The following HDAC10 variants were observed in gnomAD, a reference collection of about 807,000 sequenced individuals.
HDAC10 encodes polyamine deacetylase HDAC10.
In HDAC10, 90 loss-of-function variants were observed where a neutral mutation model predicts 82.3. The ratio of observed to expected loss-of-function variants is 1.09; its 90% confidence interval spans 0.92 to 1.30. HDAC10 has a LOEUF of 1.30. Ranked by LOEUF, HDAC10 falls within the 50% of genes most tolerant of loss-of-function variation. The pLI, the probability that HDAC10 is intolerant of heterozygous loss-of-function variation, is 0.00. For synonymous variants in HDAC10, 456 were observed against 391.7 expected (o/e 1.16, Z -1.94); for missense variants, 934 against 876.3 (o/e 1.07, Z -0.83).
In HDAC10 at chr22:50,250,167, G is replaced by A. The variant is rs1234639675; in HGVS notation, c.292-7C>T. 2 of 1,609,192 alleles carry A rather than the reference G, an allele frequency of 1.2e-6. No individual in the cohort carries two copies. Among genetic ancestry groups the A allele is most frequent in the Middle Eastern group, 1.7e-4 (1 of 6,032 alleles). The stretch of plus-strand genomic sequence containing the variant: ...GCGCGCAGTGAAAGGTACTCTGTGG[G>A]CGCAGGGGCGCAGATGAGCCCCCTG... On this transcript the variant is annotated splice_polypyrimidine_tract_variant and splice_region_variant and intron_variant, in intron 3 of 19. Coordinates refer to ENST00000216271, the MANE Select transcript of HDAC10 (RefSeq NM_032019.6).
Position 50,245,243 on chromosome 22 carries a change from A to T in HDAC10, c.*264T>A. 1 of 560,148 alleles carries T rather than the reference A, an allele frequency of 1.8e-6. No homozygotes were observed. The highest frequency in any genetic ancestry group is 3.1e-6 in the Non-Finnish European group (1 of 319,380). 34.7% of individuals were successfully genotyped at this position (560,148 alleles called of 1,614,324 possible). ...CGGGGAGCGAAGCGCAGCGGGGCGC[A>T]GGGGCCGGAACGGGACCGAGCGTGG... On this transcript the variant is annotated 3_prime_UTR_variant, in exon 20 of 20. Coordinates refer to ENST00000216271, the MANE Select transcript of HDAC10 (RefSeq NM_032019.6).
rs1395733341 is a variant in HDAC10, at chr22:50,247,705, A to G, written c.1409T>C (p.Met470Thr). 1.9e-6 allele frequency: 3 copies of G among 1,577,066 alleles called. No individual in the cohort carries two copies. Among genetic ancestry groups the G allele is most frequent in the South Asian group, 2.3e-5 (2 of 87,788 alleles). Reference protein sequence around the residue: ...LGKLLYLLDGMLDGQVNSGIA... With the variant: ...LGKLLYLLDGTLDGQVNSGIA... ...AGGTGCTCCCACCTGCCCATCCAGCATCCCATCTAAGAGGTACAGGAGCTT... is the reference window on the plus strand; with the variant it reads ...AGGTGCTCCCACCTGCCCATCCAGCGTCCCATCTAAGAGGTACAGGAGCTT... Residue 470 changes from methionine to threonine, a missense_variant, in exon 14 of 20, where the codon ATG (methionine) becomes ACG (threonine). Physicochemically the swap from Met to Thr is moderately conservative, Grantham distance 81. Coordinates refer to ENST00000216271, the MANE Select transcript of HDAC10 (RefSeq NM_032019.6).
chr22:50,250,826 A>G lies in HDAC10; in HGVS notation c.139T>C (p.Cys47Arg), dbSNP rs2065072672. ...GCCTCGCGGGCTGACAACCGCAGAC[A>G]CCTCTGTTCCAGGCCGCGCTGCCGC... ...RLRQRGLEQR[C>R]LRLSAREASE... Residue 47 changes from cysteine (C) to arginine (R), a missense_variant, in exon 2 of 20, where the codon TGT becomes CGT. Physicochemically the swap from Cys to Arg is radical, Grantham distance 180 (BLOSUM62 -3). Transcript: ENST00000216271. The G allele has an allele frequency of 1.9e-6, 3 of 1,603,510 alleles. No individual in the cohort carries two copies. Among genetic ancestry groups the G allele is most frequent in the Non-Finnish European group, 2.5e-6 (3 of 1,176,498 alleles).
At chr22:50,250,397 G>T in intron 3 of HDAC10, 30 bp downstream of exon 3, 1 of 1,599,030 alleles carries the variant, frequency 6.3e-7, no homozygotes, top group Non-Finnish European at 8.6e-7. Context: ...ATGTGTGTCT[G>T]CACAGGTGAG....
chr22:50,250,652 G>A, intron 2 of HDAC10, 119 bp downstream of exon 2: 6 of 1,324,562 alleles, frequency 4.5e-6, no homozygotes, highest in Non-Finnish European at 6.3e-6. Flanking sequence ...GCCCACCCGA[G>A]GTGCATAGGG....
rs75596977 is a variant in HDAC10 at position 50,245,827 on chromosome 22, T to C, written c.1834A>G (p.Asn612Asp). The C allele has an allele frequency of 0.018, 27,525 of 1,569,022 alleles. 712 individuals are homozygous for C. Among genetic ancestry groups the C allele is most frequent in the East Asian group, 0.13 (5,475 of 41,836 alleles). ...ATCCCTGCTAGCTGGGGTGTGGAGT[T>C]CTGGACCAGGGGCGAAGACGGAAGC... ...GGRVLALLEE[N>D]STPQLAGILA... is the part of the protein sequence containing the mutation. The change falls in exon 19 of 20, where the codon AAC becomes GAC. Residue 612 changes from asparagine (N) to aspartate (D), a missense_variant and splice_region_variant. Coordinates refer to ENST00000216271, the MANE Select transcript of HDAC10 (RefSeq NM_032019.6).
In HDAC10 at chr22:50,247,930, C is replaced by T; in HGVS notation, c.1297G>A (p.Glu433Lys). Reference sequence around the variant, plus strand: ...GTCTCCTCCCTCAGGGCTGACGCTTCCTGTTGGATGACGTCAGGGGGCAGA... The same window carrying T: ...GTCTCCTCCCTCAGGGCTGACGCTTTCTGTTGGATGACGTCAGGGGGCAGA... ...LVLPPDVIQQ[E>K]ASALREETEA... The change falls in exon 13 of 20, where the codon GAA becomes AAA. Residue 433 changes from glutamate to lysine, a missense_variant. Physicochemically the swap from Glu to Lys is moderately conservative, Grantham distance 56. Transcript: ENST00000216271. The T allele has an allele frequency of 6.2e-7, 1 of 1,612,818 alleles. No individual in the cohort carries two copies. The highest frequency in any genetic ancestry group is 8.5e-7 in the Non-Finnish European group (1 of 1,179,974).
rs1156239816 is a variant in HDAC10 at position 50,248,379 on chromosome 22, C to T, written c.1000G>A (p.Ala334Thr). Residue 334 changes from alanine to threonine, a missense_variant, in exon 11 of 20, where the codon GCG becomes ACG. Physicochemically the swap from Ala to Thr is moderately conservative, Grantham distance 58. Coordinates refer to ENST00000216271, the MANE Select transcript of HDAC10 (RefSeq NM_032019.6). The surrounding 1 kb of genome is among the most constrained non-coding windows in gnomAD (Gnocchi z 5.4). The part of the protein sequence containing the change: ...DPAPPLSGPM[A>T]PCQSALESIQ... The stretch of plus-strand genomic sequence containing the variant: ...CTCCCCTCGCACCTCTGACATGGCG[C>T]CATTGGCCCTGACAGGGGTGGGGCC... 1 of 1,610,540 alleles carries T rather than the reference C, an allele frequency of 6.2e-7. No individual in the cohort carries two copies. Among genetic ancestry groups the T allele is most frequent in the African/African-American group, 1.3e-5 (1 of 75,014 alleles).
At chr22:50,247,798 GAC>G (rs776734145) in intron 13 of HDAC10, 22 bp from the exon 14 acceptor site, 4 of 1,612,578 alleles carry the variant, frequency 2.5e-6, no homozygotes, top group Non-Finnish European at 1.7e-6. Context: ...AGACCAGAGG[GAC>G]ACACAGACAC....
Position 50,248,920 on chromosome 22 carries a change from G to T in HDAC10, c.757-30C>A. On this transcript the variant is annotated intron_variant, in intron 8 of 19. Transcript: ENST00000216271. The surrounding 1 kb of genome is among the most constrained non-coding windows in gnomAD (Gnocchi z 5.4). ...AGGCCAGGCCGGAGTGGGGAGGGTC[G>T]ACAGAGAGGGGCTGGAGCCCAGGTG... 3 of 1,601,946 alleles carry T rather than the reference G, an allele frequency of 1.9e-6. No individual in the cohort carries two copies. Among genetic ancestry groups the T allele is most frequent in the Non-Finnish European group, 2.6e-6 (3 of 1,174,250 alleles).
rs1328438182 is a variant in HDAC10, at chr22:50,245,491, C to T, written c.*16G>A. On this transcript the variant is annotated 3_prime_UTR_variant, in exon 20 of 20. Transcript: ENST00000216271. Reference sequence around the variant, plus strand: ...GTGTCATTTCTGCGGTGTAAATGCTCCCACCTTGGCCGATTTCAAGCCACC... The same window carrying T: ...GTGTCATTTCTGCGGTGTAAATGCTTCCACCTTGGCCGATTTCAAGCCACC... 2 of 819,838 alleles carry T rather than the reference C, an allele frequency of 2.4e-6. No homozygotes were observed. The highest frequency in any genetic ancestry group is 1.7e-5 in the African/African-American group (1 of 59,956). The allele number at this position is 819,838 out of a possible 1,614,324, so 50.8% of individuals were successfully genotyped here. A position where few individuals can be genotyped will look rare whatever the true frequency, so the allele number is the denominator to read the frequency against.
At chr22:50,246,812 GC>G in intron 15 of HDAC10, 62 bp downstream of exon 15, 6 of 1,596,480 alleles carry the variant, frequency 3.8e-6, no homozygotes, top group Admixed American at 1.7e-5. Flanking sequence ...TGCTTGGCCA[GC>G]CAGGATAGGG....
chr22:50,249,019 C>T lies in HDAC10; in HGVS notation c.756+84G>A, dbSNP rs2065021526. ...ACACAGGAGTGGGACAGCTCATAACCCTCCTCCTGCCTTCACTGGCGCACT... is the reference window on the plus strand; with the variant it reads ...ACACAGGAGTGGGACAGCTCATAACTCTCCTCCTGCCTTCACTGGCGCACT... On this transcript the variant is annotated intron_variant, in intron 8 of 19. Coordinates refer to ENST00000216271, the MANE Select transcript of HDAC10 (RefSeq NM_032019.6). This position sits in a 1 kb window ranked among gnomAD's most constrained non-coding sequence, Gnocchi z 4.4. 3 of 1,441,634 alleles carry T rather than the reference C, an allele frequency of 2.1e-6. No individual in the cohort carries two copies. The highest frequency in any genetic ancestry group is 2.9e-6 in the Non-Finnish European group (3 of 1,046,426). The allele number at this position is 1,441,634 out of a possible 1,614,324, so 89.3% of individuals were successfully genotyped here. A position where few individuals can be genotyped will look rare whatever the true frequency, so the allele number is the denominator to read the frequency against.
chr22:50,248,041 T>C lies in HDAC10; in HGVS notation c.1186A>G (p.Ser396Gly). 1 of 1,611,696 alleles carries C rather than the reference T, an allele frequency of 6.2e-7. No individual in the cohort carries two copies. The highest frequency in any genetic ancestry group is 8.5e-7 in the Non-Finnish European group (1 of 1,179,428). ...PVCKAAASAP[S>G]SLLDQPCLCP... is the part of the protein sequence containing the mutation. ...AGGCACGGCTGGTCCAGGAGGGAGCTCGGTGCAGATGCAGCTGCCTTACAC... is the reference window on the plus strand; with the variant it reads ...AGGCACGGCTGGTCCAGGAGGGAGCCCGGTGCAGATGCAGCTGCCTTACAC... Residue 396 changes from serine to glycine, a missense_variant, in exon 13 of 20, where the codon AGC becomes GGC. Transcript: ENST00000216271. This position sits in a 1 kb window ranked among gnomAD's most constrained non-coding sequence, Gnocchi z 5.4.
rs553257236 is a variant in HDAC10, at chr22:50,248,735, G to A, written c.833C>T (p.Thr278Met). The change falls in exon 10 of 20, where the codon ACG becomes ATG. Residue 278 changes from threonine (T) to methionine (M), a missense_variant. By Grantham distance (81) the Thr-to-Met change is moderately conservative. Coordinates refer to ENST00000216271, the MANE Select transcript of HDAC10 (RefSeq NM_032019.6). This position sits in a 1 kb window ranked among gnomAD's most constrained non-coding sequence, Gnocchi z 5.4. ...TGTGAGGTGGGCGAAGCACTCTGGC[G>A]TGGCCTGCATTTGCCCCTGGAACCA... ...IGDPEGQMQA[T>M]PECFAHLTQL... The A allele has an allele frequency of 1.6e-5, 25 of 1,577,286 alleles. No individual in the cohort carries two copies. The South Asian group carries it at 1.6e-4, about 10-fold the overall frequency.
In HDAC10 at chr22:50,251,223, C is replaced by T. The variant is rs1415931473; in HGVS notation, c.-191G>A. 3 of 583,714 alleles carry T rather than the reference C, an allele frequency of 5.1e-6. No individual in the cohort carries two copies. Among genetic ancestry groups the T allele is most frequent in the Middle Eastern group, 4.6e-4 (1 of 2,186 alleles). 36.2% of individuals were successfully genotyped at this position (583,714 alleles called of 1,614,324 possible). On this transcript the variant is annotated 5_prime_UTR_variant, in exon 1 of 20. Transcript: ENST00000216271. ...TCCGGGATCCCAGGCGCGCAGAAGG[C>T]ACGGAGCGAGGCTGCAGTCGAAGGG...
In HDAC10 at chr22:50,248,836, G is replaced by T. The variant is rs781691174; in HGVS notation, c.811C>A (p.Pro271Thr). The T allele has an allele frequency of 2.5e-6, 4 of 1,610,968 alleles. No individual in the cohort carries two copies. Among genetic ancestry groups the T allele is most frequent in the Non-Finnish European group, 2.5e-6 (3 of 1,179,160 alleles). Residue 271 changes from proline to threonine, a missense_variant, in exon 9 of 20, where the codon CCT (proline) becomes ACT (threonine). Physicochemically the swap from Pro to Thr is conservative, Grantham distance 38. Transcript: ENST00000216271. The surrounding 1 kb of genome is among the most constrained non-coding windows in gnomAD (Gnocchi z 5.4). ...SAGFDSAIGD[P>T]EGQMQATPEC... ...TGGCAAGGCAAGGCCCTCACCTCAG[G>T]GTCCCCGATGGCTGAGTCAAATCCT...
chr22:50,249,570 C>A lies in HDAC10; in HGVS notation c.563+65G>T. 1.9e-5 allele frequency: 31 copies of A among 1,608,070 alleles called. No individual in the cohort carries two copies. Among genetic ancestry groups the A allele is most frequent in the Non-Finnish European group, 2.6e-5 (30 of 1,176,180 alleles). ...TCTGTATCTCACCCCTGGATTTTCCCAGGCCAGGCTGTGCACCCAAAAACT... is the reference window on the plus strand; with the variant it reads ...TCTGTATCTCACCCCTGGATTTTCCAAGGCCAGGCTGTGCACCCAAAAACT... On this transcript the variant is annotated intron_variant, in intron 6 of 19. Transcript: ENST00000216271. The surrounding 1 kb of genome is among the most constrained non-coding windows in gnomAD (Gnocchi z 4.4).
chr22:50,249,406 AG>A lies in HDAC10; in HGVS notation c.611del (p.Pro204LeufsTer113), dbSNP rs1316206417. On this transcript the variant is annotated frameshift_variant, in exon 7 of 20. Coordinates refer to ENST00000216271, the MANE Select transcript of HDAC10 (RefSeq NM_032019.6). LOFTEE classifies it high-confidence loss of function. This position sits in a 1 kb window ranked among gnomAD's most constrained non-coding sequence, Gnocchi z 4.4. ...WHRYEHGRFW[P>X]FLRESDADAV... ...CGTCTGCATCTGACTCTCGCAGGAA[AG>A]GCCAGAAGCGCCCATGCTCATAGCG... 1 of 1,612,714 alleles carries A rather than the reference AG, an allele frequency of 6.2e-7. No individual in the cohort carries two copies. Among genetic ancestry groups the A allele is most frequent in the South Asian group, 1.1e-5 (1 of 91,088 alleles).
Sources: allele counts gnomAD v4.1 joint callset, GRCh38; gene constraint gnomAD v4.1.1; non-coding constraint Gnocchi (gnomAD v3.1); transcripts MANE v1.5; gene names NCBI Gene and HGNC (gene_info 2026-07-23, HGNC 2026-07-21).